Variants in IGFBP5 observed in about 807,000 individuals in gnomAD.
The protein encoded by IGFBP5 is insulin like growth factor binding protein 5, also known as insulin-like growth factor-binding protein 5.
A neutral mutation model predicts 28.0 loss-of-function variants in IGFBP5; 12 were observed. That is an observed-to-expected ratio of 0.43 (90% CI 0.27 to 0.69). The LOEUF (loss-of-function observed/expected upper bound fraction) is 0.69. IGFBP5 is among the 30% of genes least tolerant of loss of function. The pLI is 0.20. For missense variants in IGFBP5, 344 were observed against 381.6 expected (o/e 0.90, Z 0.82); for synonymous variants, 152 against 150.2 (o/e 1.01, Z -0.09).
At chr2:216,686,809 G>A (rs1210754294) in intron 1 of IGFBP5, among the ~76,000 whole-genome samples, 3 of 151,454 alleles carry the variant, frequency 2.0e-5, no homozygotes, top group African/African-American at 2.4e-5. Flanking sequence ...TGGGACTAAA[G>A]GCATGCAGCA....
intron 1 of IGFBP5, among the ~76,000 whole-genome samples, chr2:216,680,793 G>T (rs755231558): frequency 3.9e-5 from 6 of 152,144 alleles, no homozygotes; most frequent in Non-Finnish European, 7.3e-5. Context: ...TAGCAAGGTG[G>T]TGGGTGGGCT....
chr2:216,687,976 T>A (rs1463390692), intron 1 of IGFBP5, among the ~76,000 whole-genome samples: 2 of 152,100 alleles, frequency 1.3e-5, no homozygotes, highest in East Asian at 3.9e-4. Flanking sequence ...TTTTGAGTCT[T>A]TGGGAGCAAA....
At chr2:216,685,786 A>C (rs1234828830) in intron 1 of IGFBP5, among the ~76,000 whole-genome samples, 1 of 152,216 alleles carries the variant, frequency 6.6e-6, no homozygotes, top group Non-Finnish European at 1.5e-5. Context: ...GGACACTTCC[A>C]GGGAAGTGGC....
intron 1 of IGFBP5, among the ~76,000 whole-genome samples, chr2:216,685,427 G>A (rs939481408): frequency 3.3e-5 from 5 of 152,132 alleles, no homozygotes; most frequent in Admixed American, 2.0e-4. Context: ...GACCTGCAAC[G>A]CTTCCATCAT....
intron 1 of IGFBP5, among the ~76,000 whole-genome samples, chr2:216,681,948 C>T (rs1688982030): frequency 6.6e-6 from 1 of 152,220 alleles, no homozygotes; most frequent in South Asian, 2.1e-4. Context: ...ACCTCTCTTA[C>T]TCTTTTCTTT....
intron 1 of IGFBP5, among the ~76,000 whole-genome samples, chr2:216,693,829 T>C (rs934365563): frequency 6.6e-6 from 1 of 151,992 alleles, no homozygotes; most frequent in Non-Finnish European, 1.5e-5. Flanking sequence ...TGGGAGGGGC[T>C]TCAGGGCTCC....
rs1233641993 is a variant in IGFBP5, at chr2:216,679,375, G to T, written c.338-296C>A. Among the ~76,000 whole-genome samples the T allele has an allele frequency of 1.3e-5, 2 of 152,100 alleles. No homozygotes were observed. The highest frequency in any genetic ancestry group is 1.3e-4 in the Admixed American group (2 of 15,270). ...AGACTGATGGGTGAGGACGGAGCAG[G>T]CCTTCTGGGGGCAGTAAGGAGGAAG... On this transcript the variant is annotated intron_variant, in intron 1 of 3. Transcript: ENST00000233813. The surrounding 1 kb of genome is among the most constrained non-coding windows in gnomAD (Gnocchi z 4.6).
At chr2:216,681,026 C>G (rs1046257663) in intron 1 of IGFBP5, among the ~76,000 whole-genome samples, 1 of 151,946 alleles carries the variant, frequency 6.6e-6, no homozygotes. Context: ...TTGGTTGTAG[C>G]GCAAGTGAGA....
At chr2:216,693,020 CCCGTAACTAAACTGTCT>C (rs1008713130) in intron 1 of IGFBP5, among the ~76,000 whole-genome samples, 1 of 152,048 alleles carries the variant, frequency 6.6e-6, no homozygotes, top group African/African-American at 2.4e-5. Flanking sequence ...GGGGATTGCC[CCCGTAACTAAACTGTCT>C]CCGTAACTAA....
At chr2:216,687,640 G>A (rs898834088) in intron 1 of IGFBP5, among the ~76,000 whole-genome samples, 3 of 152,220 alleles carry the variant, frequency 2.0e-5, no homozygotes, top group African/African-American at 7.2e-5. Flanking sequence ...GGGGAAGGGG[G>A]AGCATGCTTA....
chr2:216,682,069 T>C (rs1366105225), intron 1 of IGFBP5, among the ~76,000 whole-genome samples: 1 of 152,160 alleles, frequency 6.6e-6, no homozygotes. Context: ...TTGCAAACTC[T>C]CTCCTTTTCC....
intron 1 of IGFBP5, among the ~76,000 whole-genome samples, chr2:216,684,566 A>T (rs915413103): frequency 2.6e-5 from 4 of 152,218 alleles, no homozygotes; most frequent in African/African-American, 9.6e-5. Context: ...TAGACAGAAG[A>T]TAAGATGAGG....
At chr2:216,681,356 C>T (rs374337803) in intron 1 of IGFBP5, among the ~76,000 whole-genome samples, 5 of 152,074 alleles carry the variant, frequency 3.3e-5, no homozygotes, top group African/African-American at 1.2e-4. Context: ...GAAGCCTGGA[C>T]CCCTTCCTCA....
chr2:216,675,524 G>GATT lies in IGFBP5; in HGVS notation c.*1226_*1227insAAT, dbSNP rs1688885489. 1 of 152,196 alleles carries GATT rather than the reference G, an allele frequency of 6.6e-6. No individual in the cohort carries two copies. Among genetic ancestry groups the GATT allele is most frequent in the African/African-American group, 2.4e-5 (1 of 41,412 alleles). 9.4% of individuals were successfully genotyped at this position (152,196 alleles called of 1,614,324 possible). On this transcript the variant is annotated 3_prime_UTR_variant, in exon 4 of 4. Transcript: ENST00000233813. ...CGGTGGGTGCAGATGAACACACGTG[G>GATT]GGAATCACTGTCAAATCCAGTACTG...
chr2:216,686,984 G>A lies in IGFBP5; in HGVS notation c.337+7455C>T, dbSNP rs1689040890. Among the ~76,000 whole-genome samples the A allele has an allele frequency of 2.0e-5, 3 of 152,150 alleles. No individual in the cohort carries two copies. In the South Asian group the frequency reaches 6.2e-4, roughly 32 times the overall value. The stretch of plus-strand genomic sequence containing the variant: ...TTATATTCTGAGGATTAATCAGGGT[G>A]ATGCATGCTAATTCACTCTCAGAAC... On this transcript the variant is annotated intron_variant, in intron 1 of 3. Coordinates refer to ENST00000233813, the MANE Select transcript of IGFBP5 (RefSeq NM_000599.4).
In IGFBP5 at chr2:216,678,207, C is replaced by G. The variant is rs1349807282; in HGVS notation, c.592G>C (p.Ala198Pro). Reference sequence around the variant, plus strand: ...CTGGCTTTGAGCTCCTGCAGGGAAGCCTCCATGTGTCTGCGGCAGGGGCCC... The same window carrying G: ...CTGGCTTTGAGCTCCTGCAGGGAAGGCTCCATGTGTCTGCGGCAGGGGCCC... ...EQGPCRRHMEASLQELKASPR... is the reference protein window; with the variant it reads ...EQGPCRRHMEPSLQELKASPR... Residue 198 changes from alanine (A) to proline (P), a missense_variant, in exon 3 of 4, where the codon GCT (alanine) becomes CCT (proline). Coordinates refer to ENST00000233813, the MANE Select transcript of IGFBP5 (RefSeq NM_000599.4). 1 of 1,588,704 alleles carries G rather than the reference C, an allele frequency of 6.3e-7. No homozygotes were observed. The highest frequency in any genetic ancestry group is 8.6e-7 in the Non-Finnish European group (1 of 1,165,110).
intron 1 of IGFBP5, among the ~76,000 whole-genome samples, chr2:216,682,102 C>T (rs1262554484): frequency 6.6e-6 from 1 of 152,228 alleles, no homozygotes; most frequent in Non-Finnish European, 1.5e-5. Context: ...GGCAAGTCTC[C>T]TGAGGGCACA....
rs1574584801 is a variant in IGFBP5 at position 216,694,325 on chromosome 2, C to T, written c.337+114G>A. On this transcript the variant is annotated intron_variant, in intron 1 of 3. Transcript: ENST00000233813. The surrounding 1 kb of genome is among the most constrained non-coding windows in gnomAD (Gnocchi z 5.2). ...GGTGCAAGGACCCTCCCCGACTACT[C>T]CCGAGCTGCACCCCAGCTCGAAGCC... 3.4e-6 allele frequency: 3 copies of T among 873,842 alleles called. No individual in the cohort carries two copies. Among genetic ancestry groups the T allele is most frequent in the Non-Finnish European group, 5.0e-6 (3 of 601,100 alleles). The allele number at this position is 873,842 out of a possible 1,614,324, so 54.1% of individuals were successfully genotyped here.
Position 216,694,589 on chromosome 2 carries a change from C to A in IGFBP5, c.187G>T (p.Glu63Ter). 6.4e-7 allele frequency: 1 copy of A among 1,550,516 alleles called. No homozygotes were observed. Among genetic ancestry groups the A allele is most frequent in the Non-Finnish European group, 8.7e-7 (1 of 1,149,528 alleles). ...CGCCMTCALAEGQSCGVYTER... is the reference protein window; with the variant it reads ...CGCCMTCALA Reference sequence around the variant, plus strand: ...GTGTAGACGCCGCACGACTGCCCCTCGGCCAGGGCGCAGGTCATGCAGCAG... The same window carrying A: ...GTGTAGACGCCGCACGACTGCCCCTAGGCCAGGGCGCAGGTCATGCAGCAG... The change falls in exon 1 of 4, where the codon GAG becomes TAG. Residue 63 changes from glutamate (E) to a stop codon, truncating the protein, a stop_gained. Transcript: ENST00000233813. LOFTEE classifies it high-confidence loss of function. The surrounding 1 kb of genome is among the most constrained non-coding windows in gnomAD (Gnocchi z 5.2).
Sources: allele counts gnomAD v4.1 joint callset (sites outside exome capture counted in the v4.1 genomes callset), GRCh38; gene constraint gnomAD v4.1.1; non-coding constraint Gnocchi (gnomAD v3.1); transcripts MANE v1.5; gene names NCBI Gene and HGNC (gene_info 2026-07-23, HGNC 2026-07-21).